ELP3: variants seen among roughly 807,000 people sequenced by gnomAD.
The protein encoded by ELP3 is elongator acetyltransferase complex subunit 3.
A neutral mutation model predicts 74.9 loss-of-function variants in ELP3; 56 were observed. The observed-to-expected ratio is 0.75, with a 90% CI of 0.60 to 0.93. The LOEUF is 0.93. Among genes scored for constraint, ELP3 ranks in the 40% least tolerant of loss-of-function variants. The probability of loss-of-function intolerance (pLI) is 0.00; values close to 1 mark genes in which losing one functional copy is unlikely to be tolerated. For missense variants in ELP3, 573 were observed against 686.5 expected (o/e 0.83, Z 1.85); for synonymous variants, 222 against 239.8 (o/e 0.93, Z 0.68).
chr8:28,104,522 G>T (rs887803769), intron 3 of ELP3, among the ~76,000 whole-genome samples: 1 of 152,168 alleles, frequency 6.6e-6, no homozygotes, highest in East Asian at 1.9e-4. Flanking sequence ...GCATTTAATT[G>T]TCATATATCT....
chr8:28,164,125 A>G (rs1814213741), intron 14 of ELP3, among the ~76,000 whole-genome samples: 2 of 152,196 alleles, frequency 1.3e-5, no homozygotes. Context: ...ACTGCTCTAC[A>G]TCATTTCGTC....
intron 3 of ELP3, among the ~76,000 whole-genome samples, chr8:28,103,301 G>C: frequency 6.6e-6 from 1 of 152,174 alleles, no homozygotes; most frequent in Non-Finnish European, 1.5e-5. Flanking sequence ...TTTCCAGAGT[G>C]TCATGTACAG....
chr8:28,094,440 C>T (rs1811171166), intron 1 of ELP3, among the ~76,000 whole-genome samples: 1 of 152,172 alleles, frequency 6.6e-6, no homozygotes, highest in African/African-American at 2.4e-5. Context: ...TGATCTTGGC[C>T]AGGCGCGGTG....
chr8:28,096,759 A>T (rs1811267879), intron 1 of ELP3, among the ~76,000 whole-genome samples: 1 of 152,246 alleles, frequency 6.6e-6, no homozygotes, highest in African/African-American at 2.4e-5. Context: ...TCTTCATGTA[A>T]CAGGCACATA....
intron 8 of ELP3, 52 bp from the exon 9 acceptor site, chr8:28,132,226 A>ATGT: frequency 6.3e-7 from 1 of 1,575,864 alleles, no homozygotes; most frequent in Admixed American, 1.7e-5. Flanking sequence ...TGTGTAACAG[A>ATGT]TGTTACACAA....
chr8:28,181,338 T>C (rs2130609553), intron 14 of ELP3, among the ~76,000 whole-genome samples: 1 of 152,342 alleles, frequency 6.6e-6, no homozygotes, highest in Middle Eastern at 3.4e-3. Context: ...TTGTAGTGCT[T>C]GTCATTTTAG....
intron 14 of ELP3, among the ~76,000 whole-genome samples, chr8:28,176,523 CCT>C (rs1814761600): frequency 6.6e-6 from 1 of 152,154 alleles, no homozygotes; most frequent in Admixed American, 6.5e-5. Context: ...CATGCTGTTC[CCT>C]GAGTGAAGTT....
intron 7 of ELP3, chr8:28,113,841 G>A (rs537066721): frequency 6.6e-6 from 1 of 152,238 alleles, no homozygotes; most frequent in East Asian, 1.9e-4. Flanking sequence ...GCCTCTCAGA[G>A]GTCCCACCTG....
intron 3 of ELP3, among the ~76,000 whole-genome samples, chr8:28,100,642 G>T (rs1811441746): frequency 6.6e-6 from 1 of 152,216 alleles, no homozygotes; most frequent in Admixed American, 6.5e-5. Flanking sequence ...TGGCAAAGCA[G>T]CTAGATAATA....
chr8:28,161,041 C>T (rs2130552104), intron 13 of ELP3, among the ~76,000 whole-genome samples: 1 of 152,244 alleles, frequency 6.6e-6, no homozygotes, highest in East Asian at 1.9e-4. Flanking sequence ...TACTGGCAAT[C>T]TCATATGGGT....
At chr8:28,162,952 G>A (rs1814161141) in intron 14 of ELP3, among the ~76,000 whole-genome samples, 1 of 152,166 alleles carries the variant, frequency 6.6e-6, no homozygotes, top group Non-Finnish European at 1.5e-5. Context: ...GAGAAGGAAG[G>A]GGAAGGTCTA....
At chr8:28,169,604 G>A (rs1021097229) in intron 14 of ELP3, among the ~76,000 whole-genome samples, 52 of 152,226 alleles carry the variant, frequency 3.4e-4, no homozygotes, top group African/African-American at 1.2e-3. Flanking sequence ...AGAAGTCCTA[G>A]AATGTCTATA....
chr8:28,179,992 G>C (rs996249262), intron 14 of ELP3, among the ~76,000 whole-genome samples: 1 of 152,134 alleles, frequency 6.6e-6, no homozygotes, highest in Non-Finnish European at 1.5e-5. Flanking sequence ...TAAGAAATCA[G>C]CTGTCTGTCT....
At chr8:28,180,965 G>C (rs558320149) in intron 14 of ELP3, among the ~76,000 whole-genome samples, 1 of 152,218 alleles carries the variant, frequency 6.6e-6, no homozygotes, top group South Asian at 2.1e-4. Flanking sequence ...CAGGGCACTG[G>C]GGGAGTGTTA....
chr8:28,181,839 A>G (rs182542606), intron 14 of ELP3, among the ~76,000 whole-genome samples: 20 of 152,318 alleles, frequency 1.3e-4, no homozygotes, highest in Non-Finnish European at 1.3e-4. Flanking sequence ...CTAGGACAAT[A>G]ATTGCAATCT....
chr8:28,167,049 CTGAA>C (rs1328970961), intron 14 of ELP3, among the ~76,000 whole-genome samples: 4 of 152,178 alleles, frequency 2.6e-5, no homozygotes, highest in African/African-American at 9.7e-5. Context: ...AGGAAAATGT[CTGAA>C]TGGTCAATGA....
chr8:28,158,727 G>C, intron 12 of ELP3, 94 bp downstream of exon 12: 1 of 974,438 alleles, frequency 1.0e-6, no homozygotes, highest in Admixed American at 1.9e-5. Flanking sequence ...CAGAGCCCCA[G>C]GAGTGAATAA....
intron 10 of ELP3, among the ~76,000 whole-genome samples, chr8:28,143,066 T>C (rs1246062171): frequency 6.6e-6 from 1 of 152,252 alleles, no homozygotes; most frequent in Non-Finnish European, 1.5e-5. Context: ...CATTTCTTTG[T>C]ATATACCACA....
At chr8:28,112,953 G>A (rs752534595) in intron 6 of ELP3, 66 bp from the exon 7 acceptor site, 22 of 1,427,366 alleles carry the variant, frequency 1.5e-5, no homozygotes, top group African/African-American at 5.8e-5. Flanking sequence ...TAAGAGATTT[G>A]CAATGCCTTC....
Sources: allele counts gnomAD v4.1 joint callset (sites outside exome capture counted in the v4.1 genomes callset), GRCh38; gene constraint gnomAD v4.1.1; transcripts MANE v1.5; gene names NCBI Gene and HGNC (gene_info 2026-07-23, HGNC 2026-07-21).